The following TLN2 variants were observed in gnomAD, a reference collection of about 807,000 sequenced individuals.
TLN2 encodes the protein talin 2.
TLN2 carries 118 observed loss-of-function variants against 294.7 expected under a neutral mutation model. The observed-to-expected ratio is 0.40, with a 90% CI of 0.34 to 0.47. TLN2 has a LOEUF of 0.47. Among genes scored for constraint, TLN2 ranks in the 20% least tolerant of loss-of-function variants. The probability of loss-of-function intolerance (pLI) is 0.84; values close to 1 mark genes in which losing one functional copy is unlikely to be tolerated. For missense variants in TLN2, 3,083 were observed against 3,282.2 expected (o/e 0.94, Z 1.48); for synonymous variants, 1,431 against 1,304.5 (o/e 1.10, Z -2.09).
At chr15:62,640,409 T>C (rs777301153) in intron 3 of TLN2, 38 of 454,088 alleles carry the variant, frequency 8.4e-5, no homozygotes, top group Non-Finnish European at 1.4e-4. Context: ...CTTACTCTTG[T>C]AGACCTCCAC....
rs60002079 is a variant in TLN2 at position 62,481,798 on chromosome 15, C to CTTTTTTTTTTTTTTTTTT, written c.-238+91130_-238+91131insTTTTTTTTTTTTTTTTTT. On this transcript the variant is annotated intron_variant, in intron 1 of 58. Transcript: ENST00000636159. ...ATATTATTTTTCTTTTTCTTTCTTT[C>CTTTTTTTTTTTTTTTTTT]TTTTTTTTTTTTTTTTTAAGACGGA... Among the ~76,000 whole-genome samples the CTTTTTTTTTTTTTTTTTT allele has an allele frequency of 1.7e-5, 2 of 115,744 alleles. 1 individual carries two copies. Among genetic ancestry groups the CTTTTTTTTTTTTTTTTTT allele is most frequent in the Non-Finnish European group, 3.5e-5 (2 of 56,884 alleles). 75.9% of individuals were successfully genotyped at this position (115,744 alleles called of 152,430 possible).
At chr15:62,831,424 A>G (rs2068832673) in intron 54 of TLN2, 1 of 152,086 alleles carries the variant, frequency 6.6e-6, no homozygotes, top group Admixed American at 6.5e-5. Flanking sequence ...CTTTGGCAGA[A>G]TGAATTTCCA....
intron 2 of TLN2, among the ~76,000 whole-genome samples, chr15:62,609,767 A>C (rs1040900404): frequency 1.3e-5 from 2 of 152,174 alleles, no homozygotes; most frequent in African/African-American, 4.8e-5. Context: ...GCCTCTGGAA[A>C]GGTTATTCTC....
At chr15:62,741,311 A>G (rs1450362484) in intron 32 of TLN2, among the ~76,000 whole-genome samples, 1 of 152,222 alleles carries the variant, frequency 6.6e-6, no homozygotes, top group African/African-American at 2.4e-5. Context: ...TTTTGGAAAT[A>G]TATTAAAACA....
intron 1 of TLN2, among the ~76,000 whole-genome samples, chr15:62,552,605 C>G (rs1246584544): frequency 6.6e-6 from 1 of 152,142 alleles, no homozygotes; most frequent in African/African-American, 2.4e-5. Context: ...TGGTGTAGTG[C>G]TGAAGAGCTG....
chr15:62,685,881 T>G (rs2057247314), intron 11 of TLN2, among the ~76,000 whole-genome samples: 3 of 152,232 alleles, frequency 2.0e-5, no homozygotes. Context: ...ATGTATATTT[T>G]GAGTTAAGCA....
chr15:62,782,733 G>A (rs2064289308), intron 44 of TLN2, among the ~76,000 whole-genome samples: 2 of 152,216 alleles, frequency 1.3e-5, no homozygotes, highest in Admixed American at 6.5e-5. Context: ...CCTGAAGCCT[G>A]GGACGTGTCC....
At chr15:62,656,197 C>T (rs1188461137) in intron 8 of TLN2, 111 bp downstream of exon 8, 11 of 1,395,876 alleles carry the variant, frequency 7.9e-6, no homozygotes, top group African/African-American at 7.2e-5. Context: ...TTTATGGCGT[C>T]GTTTCCAGCA....
At chr15:62,628,533 T>A (rs1179221469) in intron 3 of TLN2, among the ~76,000 whole-genome samples, 1 of 152,248 alleles carries the variant, frequency 6.6e-6, no homozygotes, top group East Asian at 1.9e-4. Flanking sequence ...TCTAAGCCCA[T>A]GCTAAAATAA....
intron 24 of TLN2, among the ~76,000 whole-genome samples, chr15:62,718,275 G>C (rs2059910450): frequency 6.6e-6 from 1 of 152,174 alleles, no homozygotes; most frequent in Admixed American, 6.5e-5. Flanking sequence ...GACTCCCCCA[G>C]GGCTCCTCTT....
chr15:62,460,650 G>A (rs2036749578), intron 1 of TLN2, among the ~76,000 whole-genome samples: 1 of 152,208 alleles, frequency 6.6e-6, no homozygotes, highest in African/African-American at 2.4e-5. Context: ...CCTCATGATG[G>A]ACAGGAATCT....
rs776342599 is a variant in TLN2 at position 62,686,696 on chromosome 15, A to C, written c.1013A>C (p.Asp338Ala). ...CCTCGCCTGCTGGGGATCACCAAAG[A>C]CTCGGTGATGCGCGTGGATGAGAAG... ...LVPRLLGITKDSVMRVDEKTK... is the reference protein window; with the variant it reads ...LVPRLLGITKASVMRVDEKTK... Residue 338 changes from aspartate (D) to alanine (A), a missense_variant, in exon 12 of 59, where the codon GAC (aspartate) becomes GCC (alanine). Physicochemically the swap from Asp to Ala is moderately radical, Grantham distance 126. Transcript: ENST00000636159. The C allele has an allele frequency of 9.9e-6, 16 of 1,613,972 alleles. No homozygotes were observed. The Admixed American group carries it at 2.7e-4, about 27-fold the overall frequency.
At chr15:62,657,194 G>T (rs1196638274) in intron 8 of TLN2, among the ~76,000 whole-genome samples, 1 of 152,108 alleles carries the variant, frequency 6.6e-6, no homozygotes, top group African/African-American at 2.4e-5. Flanking sequence ...GAGAAACTGG[G>T]AGGAGGAGGA....
chr15:62,575,434 T>G (rs986365229), intron 1 of TLN2, among the ~76,000 whole-genome samples: 1 of 152,216 alleles, frequency 6.6e-6, no homozygotes, highest in South Asian at 2.1e-4. Flanking sequence ...TCAGAATCAG[T>G]GTAAATCACT....
chr15:62,655,604 G>A lies in TLN2; in HGVS notation c.518-340G>A, dbSNP rs2053124932. ...ATTGTAGCACATGTCACCGTGGGTT[G>A]GCTGGCACTGTCCCCTGCTCCACAG... On this transcript the variant is annotated intron_variant, in intron 7 of 58. Transcript: ENST00000636159. Among the ~76,000 whole-genome samples the A allele has an allele frequency of 0.049, 48 of 974 alleles. 23 individuals are homozygous for A. The Non-Finnish European group carries it at 0.62, about 12-fold the overall frequency. The allele number at this position is 974 out of a possible 152,430, so 0.6% of individuals were successfully genotyped here. A position where few individuals can be genotyped will look rare whatever the true frequency, so the allele number is the denominator to read the frequency against.
intron 45 of TLN2, 129 bp downstream of exon 45, chr15:62,784,019 C>T (rs996685130): frequency 4.7e-6 from 7 of 1,477,888 alleles, no homozygotes; most frequent in Middle Eastern, 2.3e-4. Flanking sequence ...TTTATTTCCC[C>T]ACCACTGCAC....
At chr15:62,501,846 T>G (rs1241110705) in intron 1 of TLN2, among the ~76,000 whole-genome samples, 1 of 152,244 alleles carries the variant, frequency 6.6e-6, no homozygotes, top group African/African-American at 2.4e-5. Context: ...GTAAGCCTTA[T>G]GCCTGATTTT....
Position 62,722,462 on chromosome 15 carries a change from C to T in TLN2, c.3101C>T (p.Ala1034Val), listed in dbSNP as rs760574948. The T allele has an allele frequency of 1.5e-5, 24 of 1,611,564 alleles. No homozygotes were observed. Among genetic ancestry groups the T allele is most frequent in the African/African-American group, 1.2e-4 (9 of 74,846 alleles). Residue 1034 changes from alanine (A) to valine (V), a missense_variant, in exon 26 of 59, where the codon GCG becomes GTG. Coordinates refer to ENST00000636159, the MANE Select transcript of TLN2 (RefSeq NM_015059.3). ...QCAKNLATSLAELRTASQKAH... is the reference protein window; with the variant it reads ...QCAKNLATSLVELRTASQKAH... ...GCCAAGAACCTGGCCACCAGCTTGG[C>T]GGAGCTGCGTACCGCCTCGCAGAAG...
chr15:62,537,992 C>T (rs2041458940), intron 1 of TLN2, among the ~76,000 whole-genome samples: 1 of 152,212 alleles, frequency 6.6e-6, no homozygotes, highest in African/African-American at 2.4e-5. Flanking sequence ...GAGGCTGAGG[C>T]GGGTGGATTG....
Sources: gnomAD v4.1 joint callset for allele counts (sites outside exome capture counted in the v4.1 genomes callset) on GRCh38, gnomAD v4.1.1 for gene constraint, MANE v1.5 for transcripts, NCBI Gene and HGNC (gene_info 2026-07-23, HGNC 2026-07-21) for gene names.